Variants in COL8A1 observed in about 807,000 individuals in gnomAD.
COL8A1 encodes the protein collagen type VIII alpha 1 chain.
COL8A1 carries 21 observed loss-of-function variants against 42.7 expected under a neutral mutation model. The ratio of observed to expected loss-of-function variants is 0.49; its 90% CI spans 0.35 to 0.71. The LOEUF (loss-of-function observed/expected upper bound fraction) is 0.71, where lower values mean the gene tolerates loss of function less well. Ranked by LOEUF, COL8A1 falls within the 30% of genes least tolerant of loss-of-function variation. The probability of loss-of-function intolerance (pLI) is 0.01; values close to 1 mark genes in which losing one functional copy is unlikely to be tolerated. For missense variants in COL8A1, 788 were observed against 962.4 expected (o/e 0.82, Z 2.40); for synonymous variants, 367 against 369.1 (o/e 0.99, Z 0.06).
intron 2 of COL8A1, among the ~76,000 whole-genome samples, chr3:99,762,089 T>C (rs1941376198): frequency 6.6e-6 from 1 of 152,206 alleles, no homozygotes; most frequent in Non-Finnish European, 1.5e-5. Context: ...TTTTTATTAA[T>C]ATGATCATAT....
intron 1 of COL8A1, among the ~76,000 whole-genome samples, chr3:99,654,597 G>A (rs150026931): frequency 8.5e-5 from 13 of 152,102 alleles, no homozygotes; most frequent in South Asian, 2.1e-4. Context: ...AGACCAGCCC[G>A]GGCAACATGG....
chr3:99,759,896 T>C lies in COL8A1; in HGVS notation c.-4+14875T>C, dbSNP rs115920380. Among the ~76,000 whole-genome samples, 628 of 152,310 alleles carry C rather than the reference T, an allele frequency of 4.1e-3. 4 individuals carry two copies. Among genetic ancestry groups the C allele is most frequent in the African/African-American group, 0.014 (588 of 41,562 alleles). On this transcript the variant is annotated intron_variant, in intron 2 of 3. Transcript: ENST00000652472. ...TAAATGGGTTTCTCCTACCGTGTGA[T>C]CATGGTTCTTTGAAAGGGGCCACTT... is the stretch of plus-strand genomic sequence containing the variant.
intron 1 of COL8A1, among the ~76,000 whole-genome samples, chr3:99,724,436 C>T (rs1372584587): frequency 3.3e-5 from 5 of 152,134 alleles, no homozygotes; most frequent in East Asian, 3.8e-4. Flanking sequence ...CAGCTCAGAG[C>T]AGTCTGCCAT....
At chr3:99,733,890 T>C (rs1465508157) in intron 1 of COL8A1, among the ~76,000 whole-genome samples, 1 of 152,172 alleles carries the variant, frequency 6.6e-6, no homozygotes, top group African/African-American at 2.4e-5. Flanking sequence ...TGCATTTCTC[T>C]GATGGCCAGT....
At chr3:99,772,628 C>G (rs983342387) in intron 2 of COL8A1, among the ~76,000 whole-genome samples, 1 of 152,072 alleles carries the variant, frequency 6.6e-6, no homozygotes, top group African/African-American at 2.4e-5. Context: ...AACATAAAGT[C>G]AGTTTTTAGA....
intron 1 of COL8A1, among the ~76,000 whole-genome samples, chr3:99,653,968 G>A (rs1381065585): frequency 2.0e-5 from 3 of 152,074 alleles, no homozygotes; most frequent in Admixed American, 6.6e-5. Flanking sequence ...AAGCTGGGGA[G>A]CAAGGAAGCC....
intron 1 of COL8A1, among the ~76,000 whole-genome samples, chr3:99,671,475 G>C (rs972717765): frequency 6.6e-6 from 1 of 151,880 alleles, no homozygotes; most frequent in Non-Finnish European, 1.5e-5. Context: ...TTTTTGTGGA[G>C]AACACTTAAA....
At chr3:99,722,742 C>T (rs1940191521) in intron 1 of COL8A1, among the ~76,000 whole-genome samples, 1 of 151,872 alleles carries the variant, frequency 6.6e-6, no homozygotes, top group Non-Finnish European at 1.5e-5. Context: ...ATGTTCTTGC[C>T]CGAAGTGTTA....
At chr3:99,704,539 C>A (rs1939626844) in intron 1 of COL8A1, among the ~76,000 whole-genome samples, 1 of 151,916 alleles carries the variant, frequency 6.6e-6, no homozygotes, top group Admixed American at 6.6e-5. Context: ...GAAAAAATTG[C>A]AAAGATAGTA....
rs374063418 is a variant in COL8A1 at position 99,790,747 on chromosome 3, T to C, written c.65T>C (p.Ile22Thr). 1.9e-6 allele frequency: 3 copies of C among 1,614,064 alleles called. No individual in the cohort carries two copies. Among genetic ancestry groups the C allele is most frequent in the East Asian group, 2.2e-5 (1 of 44,878 alleles). Residue 22 changes from isoleucine (I) to threonine (T), a missense_variant, in exon 3 of 4, where the codon ATC becomes ACC. Physicochemically the swap from Ile to Thr is moderately conservative, Grantham distance 89. Coordinates refer to ENST00000652472, the MANE Select transcript of COL8A1 (RefSeq NM_020351.4). ...CTGCTTACCATTTCCCTGAGTTCCA[T>C]CAGGCTCATTCAGGCTGGTGCCTAC... Reference protein sequence around the residue: ...GVLLTISLSSIRLIQAGAYYG... With the variant: ...GVLLTISLSSTRLIQAGAYYG...
chr3:99,651,145 A>G (rs1437357463), intron 1 of COL8A1, among the ~76,000 whole-genome samples: 1 of 152,152 alleles, frequency 6.6e-6, no homozygotes, highest in Non-Finnish European at 1.5e-5. Context: ...TGGATTCTTT[A>G]TCACTATATA....
chr3:99,691,128 G>A (rs1939207658), intron 1 of COL8A1, among the ~76,000 whole-genome samples: 1 of 152,148 alleles, frequency 6.6e-6, no homozygotes, highest in Admixed American at 6.5e-5. Flanking sequence ...AATCCCCTGG[G>A]TATACCAAGG....
intron 1 of COL8A1, among the ~76,000 whole-genome samples, chr3:99,741,343 A>G (rs1940893819): frequency 6.6e-6 from 1 of 152,196 alleles, no homozygotes; most frequent in Non-Finnish European, 1.5e-5. Context: ...TAATTCTTGC[A>G]AACAACTTTT....
At chr3:99,744,131 C>T (rs932659382) in intron 1 of COL8A1, among the ~76,000 whole-genome samples, 2 of 152,138 alleles carry the variant, frequency 1.3e-5, no homozygotes, top group African/African-American at 4.8e-5. Flanking sequence ...GGGGTTTCAC[C>T]GTGTTAGCCA....
intron 1 of COL8A1, among the ~76,000 whole-genome samples, chr3:99,726,528 G>A (rs1940332078): frequency 6.6e-6 from 1 of 151,500 alleles, no homozygotes. Context: ...TTTCTTCTAG[G>A]GTTTTAATGG....
chr3:99,664,043 A>G (rs1938290458), intron 1 of COL8A1, among the ~76,000 whole-genome samples: 5 of 152,224 alleles, frequency 3.3e-5, no homozygotes, highest in Admixed American at 3.3e-4. Context: ...CTCAGTGTGC[A>G]TAACAGCAAC....
intron 1 of COL8A1, among the ~76,000 whole-genome samples, chr3:99,681,546 C>A (rs893468054): frequency 2.6e-5 from 4 of 152,202 alleles, no homozygotes; most frequent in Admixed American, 6.5e-5. Context: ...AGTCTAGAAA[C>A]AAAAACTATG....
intron 2 of COL8A1, among the ~76,000 whole-genome samples, chr3:99,781,268 A>C (rs934164838): frequency 2.0e-4 from 30 of 152,268 alleles, no homozygotes; most frequent in Admixed American, 1.6e-3. Context: ...CTTTAGTAGG[A>C]TTGCCATTCT....
At chr3:99,657,905 G>A (rs2944620) in intron 1 of COL8A1, among the ~76,000 whole-genome samples, 41,708 of 151,842 alleles carry the variant, frequency 0.27, 6,849 homozygotes, top group East Asian at 0.4. Flanking sequence ...CAAGGCAGGC[G>A]GATCACAAGG....
Sources: allele counts gnomAD v4.1 joint callset (sites outside exome capture counted in the v4.1 genomes callset), GRCh38; gene constraint gnomAD v4.1.1; transcripts MANE v1.5; gene names NCBI Gene and HGNC (gene_info 2026-07-23, HGNC 2026-07-21).